ALK: variants seen among roughly 807,000 people sequenced by gnomAD.
ALK encodes the protein ALK tyrosine kinase receptor.
Under a neutral mutation model 163.1 loss-of-function variants are expected in ALK, and 74 were observed. The observed-to-expected ratio is 0.45, with a 90% CI of 0.38 to 0.55. The LOEUF (loss-of-function observed/expected upper bound fraction) is 0.55. Among genes scored for constraint, ALK ranks in the 20% least tolerant of loss-of-function variants. ALK has a pLI of 0.00. For missense variants in ALK, 2,063 were observed against 2,105.3 expected (o/e 0.98, Z 0.39); for synonymous variants, 960 against 843.2 (o/e 1.14, Z -2.40).
At position 29,531,915 on chromosome 2, in the gene ALK, C is replaced by T. The variant is rs774127733; in HGVS notation, c.1154G>A (p.Gly385Asp). ...ATTTTGGACATGGAGAAGTACTTAC[C>T]CATGCTTCCCTGGAGTGGGCATCAG... ...ILLMPTPGKHGWTVLQGRIGR... is the reference protein window; with the variant it reads ...ILLMPTPGKHDWTVLQGRIGR... Residue 385 changes from glycine to aspartate, a missense_variant and splice_region_variant, in exon 4 of 29, where the codon GGT (glycine) becomes GAT (aspartate). By Grantham distance (94) the Gly-to-Asp change is moderately conservative. This residue lies in a region of ALK where 987 missense variants were observed against 939.5 expected (regional missense o/e 1.05). Transcript: ENST00000389048. The T allele has an allele frequency of 3.3e-5, 54 of 1,613,944 alleles. No homozygotes were observed. Among genetic ancestry groups the T allele is most frequent in the Non-Finnish European group, 4.2e-5 (50 of 1,180,026 alleles).
rs1295878742 is a variant in ALK, at chr2:29,232,372, G to A, written c.2564C>T (p.Thr855Met). The change falls in exon 15 of 29, where the codon ACG becomes ATG. Residue 855 changes from threonine to methionine, a missense_variant. This residue lies in a region of ALK where 575 missense variants were observed against 626.6 expected (regional missense o/e 0.92). Transcript: ENST00000389048. ...ATTCTCCAGTCTCTCTGGGTGGAAC[G>A]TGTCTGTCTTGGCCCCGTAGGCCCT... ...GGRAYGAKTD[T>M]FHPERLENNS... The A allele has an allele frequency of 2.4e-5, 39 of 1,614,260 alleles. No individual in the cohort carries two copies. Among genetic ancestry groups the A allele is most frequent in the Non-Finnish European group, 3.1e-5 (37 of 1,180,042 alleles).
At chr2:29,530,235 G>A (rs969856904) in intron 4 of ALK, among the ~76,000 whole-genome samples, 46 of 152,012 alleles carry the variant, frequency 3.0e-4, no homozygotes, top group Non-Finnish European at 1.6e-4. Context: ...AATGAGAATT[G>A]ACTTCCTATA....
At chr2:29,577,203 T>C (rs1674549056) in intron 3 of ALK, among the ~76,000 whole-genome samples, 1 of 152,176 alleles carries the variant, frequency 6.6e-6, no homozygotes, top group Admixed American at 6.5e-5. Context: ...TGGATGTTTG[T>C]AAAATAAACT....
At chr2:29,291,470 G>A (rs1240624967) in intron 9 of ALK, among the ~76,000 whole-genome samples, 1 of 152,138 alleles carries the variant, frequency 6.6e-6, no homozygotes, top group Non-Finnish European at 1.5e-5. Context: ...GTACATAGGA[G>A]GCAGACCAGC....
At chr2:29,221,265 T>TGTGAAACAGAGCCAGCAA (rs1204072943) in intron 22 of ALK, 2 of 523,298 alleles carry the variant, frequency 3.8e-6, no homozygotes. Context: ...AGTGACAGCG[T>TGTGAAACAGAGCCAGCAA]GTGAAACAGA....
chr2:29,878,533 C>A (rs1239031581), intron 1 of ALK, among the ~76,000 whole-genome samples: 1 of 152,158 alleles, frequency 6.6e-6, no homozygotes, highest in Non-Finnish European at 1.5e-5. Context: ...CATTCCTAGG[C>A]AAATATGCTG....
At chr2:29,422,312 A>C (rs1670034213) in intron 4 of ALK, among the ~76,000 whole-genome samples, 1 of 147,902 alleles carries the variant, frequency 6.8e-6, no homozygotes, top group Non-Finnish European at 1.5e-5. Context: ...CTAATAGAAA[A>C]CACAGTCTCC....
intron 1 of ALK, among the ~76,000 whole-genome samples, chr2:29,909,869 T>C (rs547090171): frequency 2.0e-5 from 3 of 150,920 alleles, no homozygotes; most frequent in Non-Finnish European, 2.9e-5. Context: ...TCCTTGAAAG[T>C]ATAAAATTGA....
At chr2:29,552,877 C>T (rs66536950) in intron 3 of ALK, among the ~76,000 whole-genome samples, 17,938 of 152,202 alleles carry the variant, frequency 0.12, 1,393 homozygotes, top group Non-Finnish European at 0.18. Context: ...CCTCTCCAGC[C>T]TCCCATCCTG....
chr2:29,413,045 T>A (rs1381887083), intron 4 of ALK, among the ~76,000 whole-genome samples: 1 of 152,230 alleles, frequency 6.6e-6, no homozygotes, highest in Non-Finnish European at 1.5e-5. Flanking sequence ...ATCACTGATT[T>A]CCACCTTCGT....
intron 24 of ALK, among the ~76,000 whole-genome samples, chr2:29,211,347 C>CAAAGT (rs3835749): frequency 0.54 from 81,066 of 151,482 alleles, 22,338 homozygotes; most frequent in East Asian, 0.89. Flanking sequence ...AGAAATATAG[C>CAAAGT]AAAGTAGACC....
chr2:29,634,126 T>TC (rs1676457388), intron 3 of ALK, among the ~76,000 whole-genome samples: 1 of 151,758 alleles, frequency 6.6e-6, no homozygotes, highest in Non-Finnish European at 1.5e-5. Context: ...CATTTTTTTT[T>TC]TTCGCTCTGT....
At chr2:29,698,566 G>A (rs1257782992) in intron 2 of ALK, among the ~76,000 whole-genome samples, 1 of 152,198 alleles carries the variant, frequency 6.6e-6, no homozygotes, top group East Asian at 1.9e-4. Flanking sequence ...AGACAGAGGT[G>A]AGGCATGCCA....
chr2:29,806,279 G>C (rs1664612486), intron 1 of ALK, among the ~76,000 whole-genome samples: 1 of 152,154 alleles, frequency 6.6e-6, no homozygotes. Context: ...TCAGTGGGGA[G>C]AGGTGTGGGA....
intron 1 of ALK, among the ~76,000 whole-genome samples, chr2:29,881,371 T>A (rs1225076772): frequency 6.6e-6 from 1 of 152,188 alleles, no homozygotes; most frequent in Non-Finnish European, 1.5e-5. Flanking sequence ...TTAATTATGA[T>A]CTTCCCTCTT....
At chr2:29,538,840 T>G (rs1673332741) in intron 3 of ALK, among the ~76,000 whole-genome samples, 1 of 152,148 alleles carries the variant, frequency 6.6e-6, no homozygotes, top group Non-Finnish European at 1.5e-5. Flanking sequence ...GATAGGACAA[T>G]AAGAAAAATA....
At chr2:29,733,184 C>A (rs1239867568) in intron 1 of ALK, among the ~76,000 whole-genome samples, 1 of 152,142 alleles carries the variant, frequency 6.6e-6, no homozygotes, top group Non-Finnish European at 1.5e-5. Context: ...ACAAGAGTAA[C>A]CTAGCCATTC....
intron 4 of ALK, among the ~76,000 whole-genome samples, chr2:29,482,678 A>G (rs747158209): frequency 1.3e-5 from 2 of 152,176 alleles, no homozygotes; most frequent in African/African-American, 2.4e-5. Flanking sequence ...GAATGAACTA[A>G]AAGTGTCTTG....
chr2:29,815,599 G>A (rs1664877272), intron 1 of ALK, among the ~76,000 whole-genome samples: 1 of 152,078 alleles, frequency 6.6e-6, no homozygotes, highest in Non-Finnish European at 1.5e-5. Context: ...TCACAGAGGA[G>A]GCCATGCAGG....
Sources: allele counts gnomAD v4.1 joint callset (sites outside exome capture counted in the v4.1 genomes callset), GRCh38; gene constraint gnomAD v4.1.1; regional missense constraint gnomAD v4.1.1; transcripts MANE v1.5; gene names NCBI Gene and HGNC (gene_info 2026-07-23, HGNC 2026-07-21).